The following POGZ variants were observed in gnomAD, a reference collection of about 807,000 sequenced individuals.
POGZ encodes the protein pogo transposable element derived with ZNF domain.
POGZ carries 17 observed loss-of-function variants against 134.6 expected under a neutral mutation model. That is an observed-to-expected ratio of 0.13 (90% CI 0.09 to 0.19). POGZ has a LOEUF of 0.19. Ranked by LOEUF, POGZ falls within the 10% of genes least tolerant of loss-of-function variation. POGZ has a pLI of 1.00. For synonymous variants in POGZ, 693 were observed against 657.1 expected, an observed-to-expected ratio of 1.05 and a Z score of -0.84; for missense variants, 1,306 against 1,769.7, an observed-to-expected ratio of 0.74 and a Z score of 4.70.
intron 1 of POGZ, 169 bp from the exon 2 acceptor site, chr1:151,442,374 T>C (rs898294260): frequency 2.1e-6 from 1 of 478,638 alleles, no homozygotes; most frequent in African/African-American, 2.0e-5. Context: ...ACAACTTCTA[T>C]TATTGAATAT....
At chr1:151,430,424 G>A (rs555321211) in intron 4 of POGZ, among the ~76,000 whole-genome samples, 1 of 152,270 alleles carries the variant, frequency 6.6e-6, no homozygotes, top group South Asian at 2.1e-4. Flanking sequence ...CACTATTTCT[G>A]CCTAGACTTT....
Position 151,404,805 on chromosome 1 carries a change from A to T in POGZ, c.4230T>A (p.Ile1410=), listed in dbSNP as rs1383396839. The T allele has an allele frequency of 5.0e-6, 8 of 1,599,310 alleles. No homozygotes were observed. Among genetic ancestry groups the T allele is most frequent in the Non-Finnish European group, 6.8e-6 (8 of 1,172,032 alleles). The change falls in exon 19 of 19, where the codon ATT becomes ATA. Residue 1410 remains isoleucine, a synonymous_variant. Transcript: ENST00000271715. ...FEEADLDLME[I] ...CACCCCCTCATGACCCCAACACTCA[A>T]ATCTCCATCAGATCTAGGTCAGCTT...
At chr1:151,429,778 ACCT>A in intron 4 of POGZ, 67 bp from the exon 5 acceptor site, 2 of 816,398 alleles carry the variant, frequency 2.4e-6, no homozygotes, top group Admixed American at 2.2e-5. Context: ...TTGCAGTATG[ACCT>A]ACATCCAAAA....
At chr1:151,451,895 G>A (rs1228945061) in intron 1 of POGZ, among the ~76,000 whole-genome samples, 1 of 151,316 alleles carries the variant, frequency 6.6e-6, no homozygotes, top group East Asian at 2.0e-4. Context: ...TCAGGAGTTC[G>A]AGACCAGCCT....
At chr1:151,411,328 A>C (rs549685075) in intron 12 of POGZ, among the ~76,000 whole-genome samples, 116 of 152,252 alleles carry the variant, frequency 7.6e-4, no homozygotes, top group Non-Finnish European at 1.5e-3. Flanking sequence ...GTATTGAACA[A>C]CACTTCTTTC....
At chr1:151,444,824 C>G (rs891636321) in intron 1 of POGZ, among the ~76,000 whole-genome samples, 1 of 152,042 alleles carries the variant, frequency 6.6e-6, no homozygotes, top group Non-Finnish European at 1.5e-5. Context: ...AGAACTCCAG[C>G]TTGGGTAGCA....
At chr1:151,428,957 C>A (rs1658234568) in intron 5 of POGZ, among the ~76,000 whole-genome samples, 1 of 152,004 alleles carries the variant, frequency 6.6e-6, no homozygotes, top group African/African-American at 2.4e-5. Context: ...CCCCTATGGG[C>A]TACGAGAACA....
chr1:151,454,246 A>C (rs1402204632), intron 1 of POGZ, among the ~76,000 whole-genome samples: 1 of 152,232 alleles, frequency 6.6e-6, no homozygotes, highest in Non-Finnish European at 1.5e-5. Context: ...TTCTTGTTCC[A>C]GGGTGAAAAA....
At chr1:151,439,459 C>T (rs186663621) in intron 3 of POGZ, among the ~76,000 whole-genome samples, 4 of 152,246 alleles carry the variant, frequency 2.6e-5, no homozygotes, top group Non-Finnish European at 4.4e-5. Flanking sequence ...GAGCTACTGG[C>T]GGGCACTTAT....
intron 10 of POGZ, among the ~76,000 whole-genome samples, chr1:151,413,157 G>A (rs1654976467): frequency 6.8e-6 from 1 of 146,274 alleles, no homozygotes; most frequent in Non-Finnish European, 1.5e-5. Context: ...GCTCAGGCTG[G>A]AGCATGATCA....
rs1364053291 is a variant in POGZ, at chr1:151,406,479, A to G, written c.2571-15T>C. On this transcript the variant is annotated splice_polypyrimidine_tract_variant and intron_variant, in intron 18 of 18. Transcript: ENST00000271715. ...TCTGGCCATGCCTAAAGGGGTGAGG[A>G]GCAAAGAGAAGAGGAGAAATCTCAG... 1 of 1,554,912 alleles carries G rather than the reference A, an allele frequency of 6.4e-7. No individual in the cohort carries two copies. Among genetic ancestry groups the G allele is most frequent in the African/African-American group, 1.4e-5 (1 of 72,394 alleles).
intron 3 of POGZ, among the ~76,000 whole-genome samples, chr1:151,439,329 G>T (rs1198919789): frequency 6.6e-6 from 1 of 152,070 alleles, no homozygotes; most frequent in East Asian, 1.9e-4. Flanking sequence ...AAGTTTTTTA[G>T]AAGTCTAAAG....
chr1:151,424,877 C>T (rs1018656861), intron 8 of POGZ, 78 bp downstream of exon 8: 19 of 746,346 alleles, frequency 2.5e-5, no homozygotes, highest in Admixed American at 4.3e-5. Flanking sequence ...TTTTAGAGCC[C>T]CTGCTTACAA....
rs1329102894 is a variant in POGZ at position 151,458,829 on chromosome 1, G to GCGGGCGC, written c.-2+316_-2+322dup. Among the ~76,000 whole-genome samples, 14 of 145,624 alleles carry GCGGGCGC rather than the reference G, an allele frequency of 9.6e-5. No homozygotes were observed. The East Asian group carries it at 2.2e-3, about 23-fold the overall frequency. ...CGCGAGTGCGCGCGCGCGCGCCGCG[G>GCGGGCGC]CGGGCGCCGGGGGGCGGGGGCGGCC... On this transcript the variant is annotated intron_variant, in intron 1 of 18. Coordinates refer to ENST00000271715, the MANE Select transcript of POGZ (RefSeq NM_015100.4).
chr1:151,424,132 G>C lies in POGZ; in HGVS notation c.1340C>G (p.Pro447Arg). Reference sequence around the variant, plus strand: ...CTCATTTGGTTCTGGTACTTTGGTAGGCGGTGACAGAGCAGGAATAGGTGT... The same window carrying C: ...CTCATTTGGTTCTGGTACTTTGGTACGCGGTGACAGAGCAGGAATAGGTGT... The part of the protein sequence containing the change: ...SSTPIPALSP[P>R]TKVPEPNENV... Residue 447 changes from proline to arginine, a missense_variant, in exon 9 of 19, where the codon CCT becomes CGT. Pro to Arg is a moderately radical substitution (Grantham distance 103). Coordinates refer to ENST00000271715, the MANE Select transcript of POGZ (RefSeq NM_015100.4). 6.2e-7 allele frequency: 1 copy of C among 1,614,198 alleles called. No individual in the cohort carries two copies.
At chr1:151,433,723 A>C (rs1659118641) in intron 3 of POGZ, among the ~76,000 whole-genome samples, 1 of 152,180 alleles carries the variant, frequency 6.6e-6, no homozygotes, top group African/African-American at 2.4e-5. Flanking sequence ...GACTATGGAA[A>C]GTCATACTAG....
chr1:151,454,279 T>C (rs979399732), intron 1 of POGZ, among the ~76,000 whole-genome samples: 2 of 152,194 alleles, frequency 1.3e-5, no homozygotes, highest in African/African-American at 4.8e-5. Context: ...ATCCTCAACA[T>C]AACTGGTAAT....
intron 17 of POGZ, 77 bp downstream of exon 17, chr1:151,406,834 T>C: frequency 1.8e-6 from 2 of 1,128,844 alleles, no homozygotes; most frequent in Non-Finnish European, 2.7e-6. Flanking sequence ...CAAGTAGGTA[T>C]GCTCCTGATG....
chr1:151,441,559 G>A (rs1660526150), intron 2 of POGZ, among the ~76,000 whole-genome samples: 1 of 152,120 alleles, frequency 6.6e-6, no homozygotes, highest in Non-Finnish European at 1.5e-5. Context: ...CCCATTTTCT[G>A]AATTCAGGGC....
Sources: gnomAD v4.1 joint callset for allele counts (sites outside exome capture counted in the v4.1 genomes callset) on GRCh38, gnomAD v4.1.1 for gene constraint, MANE v1.5 for transcripts, NCBI Gene and HGNC (gene_info 2026-07-23, HGNC 2026-07-21) for gene names.